The following TENM2 variants were observed in gnomAD, a reference collection of about 807,000 sequenced individuals.
TENM2 encodes the protein teneurin transmembrane protein 2, also known as teneurin-2.
A neutral mutation model predicts 245.2 loss-of-function variants in TENM2; 52 were observed. The ratio of observed to expected loss-of-function variants is 0.21; its 90% CI spans 0.17 to 0.27. The LOEUF (loss-of-function observed/expected upper bound fraction) is 0.27, where lower values mean the gene tolerates loss of function less well. Among genes scored for constraint, TENM2 ranks in the 10% least tolerant of loss-of-function variants. The probability of loss-of-function intolerance (pLI) is 1.00; values close to 1 mark genes in which losing one functional copy is unlikely to be tolerated. For missense variants in TENM2, 3,046 were observed against 3,666.8 expected (o/e 0.83, Z 4.37); for synonymous variants, 1,363 against 1,438.9 (o/e 0.95, Z 1.19).
At chr5:167,792,550 G>C (rs1354602600) in intron 2 of TENM2, among the ~76,000 whole-genome samples, 3 of 151,942 alleles carry the variant, frequency 2.0e-5, no homozygotes, top group Non-Finnish European at 4.4e-5. Flanking sequence ...AACGTGTTCT[G>C]TCCACCTCAC....
chr5:167,292,886 G>A (rs1336765156), intron 1 of TENM2, among the ~76,000 whole-genome samples: 1 of 152,178 alleles, frequency 6.6e-6, no homozygotes, highest in Admixed American at 6.5e-5. Context: ...TTGAGGGATG[G>A]GGAGGAGGTT....
At chr5:167,819,953 T>G (rs73803217) in intron 2 of TENM2, among the ~76,000 whole-genome samples, 238 of 152,320 alleles carry the variant, frequency 1.6e-3, no homozygotes, top group African/African-American at 5.4e-3. Context: ...CAGCCCATTC[T>G]AAATCAATCT....
intron 9 of TENM2, among the ~76,000 whole-genome samples, chr5:168,099,632 TC>T (rs1163186971): frequency 6.6e-6 from 1 of 152,218 alleles, no homozygotes; most frequent in Non-Finnish European, 1.5e-5. Flanking sequence ...TGCAAGACAA[TC>T]ATTAATAAAG....
chr5:167,366,555 G>A (rs1030571991), intron 1 of TENM2, among the ~76,000 whole-genome samples: 2 of 152,132 alleles, frequency 1.3e-5, no homozygotes, highest in African/African-American at 2.4e-5. Context: ...GTCAGCAGAA[G>A]TAATTAATTC....
chr5:167,731,467 T>C (rs1418462895), intron 2 of TENM2, among the ~76,000 whole-genome samples: 1 of 152,168 alleles, frequency 6.6e-6, no homozygotes, highest in African/African-American at 2.4e-5. Context: ...AACTTCCTAA[T>C]GGTTGAACCC....
intron 2 of TENM2, among the ~76,000 whole-genome samples, chr5:167,387,335 A>G (rs1021383570): frequency 2.0e-5 from 3 of 152,084 alleles, no homozygotes. Flanking sequence ...CTGTCGGTGT[A>G]TAGAAGAGCT....
chr5:167,677,322 A>G (rs1186244356), intron 2 of TENM2, among the ~76,000 whole-genome samples: 1 of 152,078 alleles, frequency 6.6e-6, no homozygotes. Context: ...CACACCACAC[A>G]TAAAGATCTT....
intron 5 of TENM2, among the ~76,000 whole-genome samples, chr5:168,006,779 C>A (rs899870791): frequency 1.3e-5 from 2 of 152,104 alleles, no homozygotes; most frequent in Admixed American, 6.5e-5. Flanking sequence ...CCTGAAACAG[C>A]GATTTATTTT....
the TENM2 span, among the ~76,000 whole-genome samples, chr5:167,269,614 C>T: frequency 6.6e-6 from 1 of 151,200 alleles, no homozygotes; most frequent in Non-Finnish European, 1.5e-5. Flanking sequence ...CCCTCCCCTA[C>T]CTTTTTGGCT....
the TENM2 span, among the ~76,000 whole-genome samples, chr5:167,181,573 G>A: frequency 1.3e-5 from 2 of 149,598 alleles, no homozygotes; most frequent in Admixed American, 6.7e-5. Context: ...GTTGTGTAAA[G>A]CACGCAATAT....
At chr5:167,158,918 C>A in the TENM2 span, among the ~76,000 whole-genome samples, 1 of 131,768 alleles carries the variant, frequency 7.6e-6, no homozygotes, top group Non-Finnish European at 1.6e-5. Flanking sequence ...CTCTTCCTCT[C>A]TCTCTCTCTC....
chr5:167,028,564 ATT>A, the TENM2 span, among the ~76,000 whole-genome samples: 1 of 151,906 alleles, frequency 6.6e-6, no homozygotes, highest in African/African-American at 2.4e-5. Context: ...TCTTTTGTGA[ATT>A]TTTTAGGTGG....
chr5:167,331,292 A>T (rs1186912090), intron 1 of TENM2, among the ~76,000 whole-genome samples: 1 of 151,852 alleles, frequency 6.6e-6, no homozygotes, highest in South Asian at 2.1e-4. Context: ...GAGAAGTATT[A>T]TGAAGAAATA....
At chr5:167,076,966 A>G in the TENM2 span, among the ~76,000 whole-genome samples, 3 of 151,890 alleles carry the variant, frequency 2.0e-5, no homozygotes, top group Non-Finnish European at 4.4e-5. Flanking sequence ...TCAGCCTCCC[A>G]AGGCATGCAC....
At chr5:167,096,648 G>A in the TENM2 span, among the ~76,000 whole-genome samples, 1 of 152,150 alleles carries the variant, frequency 6.6e-6, no homozygotes, top group African/African-American at 2.4e-5. Flanking sequence ...TTCCAGACTG[G>A]TCTGTGTTCT....
chr5:167,929,119 AAGAAAGAAAGAAAAGAAAG>A (rs1778072314), intron 3 of TENM2, among the ~76,000 whole-genome samples: 2 of 137,262 alleles, frequency 1.5e-5, no homozygotes, highest in Middle Eastern at 3.6e-3. Flanking sequence ...GAAAGAAAGA[AAGAAAGAAAGAAAAGAAAG>A]AAGGGAGGGA....
intron 2 of TENM2, among the ~76,000 whole-genome samples, chr5:167,750,705 C>A (rs1254389214): frequency 6.6e-6 from 1 of 152,162 alleles, no homozygotes; most frequent in African/African-American, 2.4e-5. Flanking sequence ...CACATTCCAG[C>A]CTGGGGTTTT....
At chr5:168,081,017 T>C (rs1377326037) in intron 7 of TENM2, among the ~76,000 whole-genome samples, 1 of 152,162 alleles carries the variant, frequency 6.6e-6, no homozygotes, top group East Asian at 1.9e-4. Context: ...ATCCGTCTAA[T>C]GTTGACAGTG....
At chr5:167,511,719 C>G (rs36117442) in intron 2 of TENM2, among the ~76,000 whole-genome samples, 1 of 152,028 alleles carries the variant, frequency 6.6e-6, no homozygotes, top group East Asian at 1.9e-4. Context: ...AAGAACAAGC[C>G]TAAGCTAAGT....
Sources: gnomAD v4.1 joint callset for allele counts (sites outside exome capture counted in the v4.1 genomes callset) on GRCh38, gnomAD v4.1.1 for gene constraint, MANE v1.5 for transcripts, NCBI Gene and HGNC (gene_info 2026-07-23, HGNC 2026-07-21) for gene names.